TOGARAM1: variants seen among roughly 807,000 people sequenced by gnomAD.
TOGARAM1 encodes TOG array regulator of axonemal microtubules 1, also known as TOG array regulator of axonemal microtubules protein 1.
A neutral mutation model predicts 166.6 loss-of-function variants in TOGARAM1; 100 were observed. The observed-to-expected ratio is 0.60, with a 90% CI of 0.51 to 0.71. The LOEUF (loss-of-function observed/expected upper bound fraction) is 0.71. Among genes scored for constraint, TOGARAM1 ranks in the 30% least tolerant of loss-of-function variants. The pLI is 0.00. For synonymous variants in TOGARAM1, 758 were observed against 763.8 expected (o/e 0.99, Z 0.13); for missense variants, 2,029 against 2,102.7 (o/e 0.96, Z 0.69).
chr14:45,023,099 A>G (rs1271662038), intron 7 of TOGARAM1: 1 of 152,214 alleles, frequency 6.6e-6, no homozygotes, highest in Non-Finnish European at 1.5e-5. Context: ...ATTACTTTCA[A>G]GTATTCCATT....
intron 2 of TOGARAM1, among the ~76,000 whole-genome samples, chr14:44,997,588 C>T (rs950435684): frequency 7.9e-5 from 12 of 151,792 alleles, no homozygotes; most frequent in Non-Finnish European, 1.3e-4. Flanking sequence ...GTAAATATTA[C>T]GGTACTTTAG....
Position 45,014,043 on chromosome 14 carries a change from C to CTTT in TOGARAM1, c.3238+1985_3238+1987dup, listed in dbSNP as rs33935090. Reference sequence around the variant, plus strand: ...TTAGTGTTTTCCAAAGTTGCGTAATCTTTTTTTTTTTTTTTTTTTGAGACA... The same window carrying CTTT: ...TTAGTGTTTTCCAAAGTTGCGTAATCTTTTTTTTTTTTTTTTTTTTTTGAGACA... On this transcript the variant is annotated intron_variant, in intron 7 of 19. Transcript: ENST00000361462. 7.4e-3 allele frequency among the ~76,000 whole-genome samples: 946 copies of CTTT among 127,844 alleles called. 18 individuals are homozygous for CTTT. Among genetic ancestry groups the CTTT allele is most frequent in the African/African-American group, 0.011 (356 of 33,704 alleles). The allele number at this position is 127,844 out of a possible 152,430, so 83.9% of individuals were successfully genotyped here. A position where few individuals can be genotyped will look rare whatever the true frequency, so the allele number is the denominator to read the frequency against.
intron 4 of TOGARAM1, among the ~76,000 whole-genome samples, chr14:45,004,592 A>G (rs1887859296): frequency 6.6e-6 from 1 of 152,190 alleles, no homozygotes; most frequent in South Asian, 2.1e-4. Context: ...TTTCAGAACC[A>G]GGAAAATAAT....
chr14:45,070,743 C>G (rs1566679835), intron 18 of TOGARAM1, among the ~76,000 whole-genome samples: 1 of 152,116 alleles, frequency 6.6e-6, no homozygotes. Context: ...GCTCCCCTAA[C>G]CCCTGTGTTG....
intron 14 of TOGARAM1, among the ~76,000 whole-genome samples, chr14:45,051,798 G>A (rs1594694380): frequency 6.6e-6 from 1 of 152,030 alleles, no homozygotes; most frequent in East Asian, 1.9e-4. Context: ...CTGACCTTGT[G>A]ATCCACCTGC....
rs150755590 is a variant in TOGARAM1 at position 45,053,293 on chromosome 14, G to A, written c.4440+731G>A. ...TGACCTCAGGTGATCCGCCTGACTC[G>A]GCCTCCCAAAGTGCTGGGATTACAG... On this transcript the variant is annotated intron_variant, in intron 15 of 19. Coordinates refer to ENST00000361462, the MANE Select transcript of TOGARAM1 (RefSeq NM_001308120.2). Among the ~76,000 whole-genome samples, 1,052 of 151,970 alleles carry A rather than the reference G, an allele frequency of 6.9e-3. 12 individuals carry two copies. Among genetic ancestry groups the A allele is most frequent in the African/African-American group, 0.024 (976 of 41,460 alleles).
At chr14:45,025,907 T>TGAATACATATA in intron 8 of TOGARAM1, 35 bp downstream of exon 8, 1 of 1,075,444 alleles carries the variant, frequency 9.3e-7, no homozygotes. Context: ...TAATTATATG[T>TGAATACATATA]ATTCATCATA....
Position 45,003,556 on chromosome 14 carries a change from T to G in TOGARAM1, c.2339-505T>G, listed in dbSNP as rs1053487509. On this transcript the variant is annotated intron_variant, in intron 3 of 19. Coordinates refer to ENST00000361462, the MANE Select transcript of TOGARAM1 (RefSeq NM_001308120.2). ...TTAGTTTTTCATTGAAGTGATCTTT[T>G]TAAGAGCATTACCTAAAATACATCA... Among the ~76,000 whole-genome samples, 5 of 152,106 alleles carry G rather than the reference T, an allele frequency of 3.3e-5. No individual in the cohort carries two copies. In the South Asian group the frequency reaches 1.0e-3, roughly 31 times the overall value.
At chr14:45,049,400 C>T (rs1028983786) in intron 14 of TOGARAM1, among the ~76,000 whole-genome samples, 39 of 152,160 alleles carry the variant, frequency 2.6e-4, no homozygotes, top group African/African-American at 8.9e-4. Context: ...GCTGGGACTA[C>T]AAGCGCCTGC....
chr14:45,038,020 AAAAAAAG>A (rs1456190897), intron 11 of TOGARAM1, among the ~76,000 whole-genome samples: 34 of 152,262 alleles, frequency 2.2e-4, no homozygotes, highest in African/African-American at 6.5e-4. Context: ...TCCATCTCAA[AAAAAAAG>A]AAAAAAGAAA....
chr14:45,045,701 ATGTG>A (rs1220126346), intron 13 of TOGARAM1, among the ~76,000 whole-genome samples: 4 of 112,036 alleles, frequency 3.6e-5, no homozygotes, highest in East Asian at 4.6e-4. Context: ...ACACATATAT[ATGTG>A]TATATATATA....
chr14:44,973,958 G>T (rs1353869249), intron 1 of TOGARAM1, among the ~76,000 whole-genome samples: 2 of 151,012 alleles, frequency 1.3e-5, no homozygotes, highest in Admixed American at 6.6e-5. Flanking sequence ...CTTTATTTTT[G>T]ATTTTTTGTA....
Position 45,032,316 on chromosome 14 carries a change from C to T in TOGARAM1, c.3752C>T (p.Pro1251Leu). 1.9e-6 allele frequency: 3 copies of T among 1,614,008 alleles called. No individual in the cohort carries two copies. The highest frequency in any genetic ancestry group is 2.5e-6 in the Non-Finnish European group (3 of 1,179,964). Reference protein sequence around the residue: ...PEIMDLSELRPFSKPEIALTE... With the variant: ...PEIMDLSELRLFSKPEIALTE... ...ATAATGGATCTGTCAGAACTACGAC[C>T]ATTCTCTAAACCAGAAATAGCACTG... The change falls in exon 11 of 20, where the codon CCA becomes CTA. Residue 1251 changes from proline (P) to leucine (L), a missense_variant. By Grantham distance (98) the Pro-to-Leu change is moderately conservative (BLOSUM62 -3). This residue lies in a region of TOGARAM1 where 576 missense variants were observed against 670.5 expected (regional missense o/e 0.86). Transcript: ENST00000361462.
At chr14:45,049,834 T>A (rs940328194) in intron 14 of TOGARAM1, among the ~76,000 whole-genome samples, 3 of 147,078 alleles carry the variant, frequency 2.0e-5, no homozygotes, top group Admixed American at 1.4e-4. Flanking sequence ...ATCACCTTGT[T>A]AAAAAAAAAA....
At chr14:44,998,194 T>G (rs1290677299) in intron 2 of TOGARAM1, among the ~76,000 whole-genome samples, 1 of 152,238 alleles carries the variant, frequency 6.6e-6, no homozygotes, top group Admixed American at 6.5e-5. Context: ...CAAGAATATG[T>G]CCAGTTATGT....
At chr14:45,050,011 C>T (rs1882284483) in intron 14 of TOGARAM1, among the ~76,000 whole-genome samples, 1 of 151,988 alleles carries the variant, frequency 6.6e-6, no homozygotes, top group South Asian at 2.1e-4. Flanking sequence ...CATTTTGTGT[C>T]CCTGCTCTCT....
intron 12 of TOGARAM1, among the ~76,000 whole-genome samples, chr14:45,044,281 AT>A (rs1302083814): frequency 1.3e-5 from 2 of 152,106 alleles, no homozygotes. Context: ...AAGTGCTGGG[AT>A]TATAGGTGTA....
At chr14:44,981,283 C>A (rs1886517977) in intron 1 of TOGARAM1, among the ~76,000 whole-genome samples, 1 of 152,156 alleles carries the variant, frequency 6.6e-6, no homozygotes, top group African/African-American at 2.4e-5. Flanking sequence ...AATGGATGGG[C>A]TGTCCAGTGA....
At chr14:44,981,077 C>A (rs1886504791) in intron 1 of TOGARAM1, among the ~76,000 whole-genome samples, 1 of 151,922 alleles carries the variant, frequency 6.6e-6, no homozygotes, top group African/African-American at 2.4e-5. Flanking sequence ...AACAAAGTAA[C>A]TAAACTCATC....
Sources: gnomAD v4.1 joint callset for allele counts (sites outside exome capture counted in the v4.1 genomes callset) on GRCh38, gnomAD v4.1.1 for gene constraint, gnomAD v4.1.1 regional missense constraint, MANE v1.5 for transcripts, NCBI Gene and HGNC (gene_info 2026-07-23, HGNC 2026-07-21) for gene names.